APBB1: variants seen among roughly 807,000 people sequenced by gnomAD.
The protein encoded by APBB1 is amyloid beta precursor protein binding family B member 1, also known as adaptor protein FE65a2.
A neutral mutation model predicts 78.4 loss-of-function variants in APBB1; 22 were observed. The ratio of observed to expected loss-of-function variants is 0.28; its 90% CI spans 0.20 to 0.40. The LOEUF (loss-of-function observed/expected upper bound fraction) is 0.40, where lower values mean the gene tolerates loss of function less well. Among genes scored for constraint, APBB1 ranks in the 10% least tolerant of loss-of-function variants. APBB1 has a pLI of 1.00. For missense variants in APBB1, 749 were observed against 932.4 expected (o/e 0.80, Z 2.56); for synonymous variants, 369 against 372.7 (o/e 0.99, Z 0.12).
At chr11:6,404,994 GGGAATCTCCTT>G (rs1205916831) in intron 2 of APBB1, 5 of 1,429,906 alleles carry the variant, frequency 3.5e-6, no homozygotes, top group Non-Finnish European at 4.6e-6. Flanking sequence ...CACCATGCTA[GGGAATCTCCTT>G]GGGGGGTGGG....
chr11:6,413,029 T>C (rs1259975374), intron 1 of APBB1, among the ~76,000 whole-genome samples: 1 of 151,534 alleles, frequency 6.6e-6, no homozygotes, highest in Non-Finnish European at 1.5e-5. Flanking sequence ...CCCCATTCCA[T>C]CCTCCCCACT....
At chr11:6,413,243 C>T (rs145616687) in intron 1 of APBB1, among the ~76,000 whole-genome samples, 1 of 152,212 alleles carries the variant, frequency 6.6e-6, no homozygotes, top group Non-Finnish European at 1.5e-5. Context: ...TCGATGGCCT[C>T]ACTGATTCTC....
At chr11:6,400,651 C>T (rs1371763046) in intron 12 of APBB1, among the ~76,000 whole-genome samples, 1 of 152,020 alleles carries the variant, frequency 6.6e-6, no homozygotes, top group African/African-American at 2.4e-5. Context: ...AACACTAAAC[C>T]CAGCTACAGG....
In APBB1 at chr11:6,403,552, G is replaced by A. The variant is rs1848645022; in HGVS notation, c.898-8C>T. ...AAAACCTGTCCAGGTGAGCTAGGAG[G>A]AGGGATGGGAGTAGTGAGTGAGTGT... On this transcript the variant is annotated splice_region_variant and splice_polypyrimidine_tract_variant and intron_variant, in intron 3 of 14. Coordinates refer to ENST00000609360, the MANE Select transcript of APBB1 (RefSeq NM_001164.5). This position sits in a 1 kb window ranked among gnomAD's most constrained non-coding sequence, Gnocchi z 5.3. The A allele has an allele frequency of 5.6e-6, 9 of 1,614,214 alleles. No homozygotes were observed. Among genetic ancestry groups the A allele is most frequent in the South Asian group, 1.1e-5 (1 of 91,084 alleles).
chr11:6,401,914 GGGGAGCTT>G lies in APBB1; in HGVS notation c.1388+55_1388+62del. On this transcript the variant is annotated intron_variant, in intron 9 of 14. Transcript: ENST00000609360. The surrounding 1 kb of genome is among the most constrained non-coding windows in gnomAD (Gnocchi z 4.5). ...GGGTGGGAAGGGGCAGGGCAGAAGA[GGGGAGCTT>G]GGGTGCTTCCAGGCATCTGGTCCAG... The G allele has an allele frequency of 6.4e-7, 1 of 1,550,582 alleles. No individual in the cohort carries two copies. The highest frequency in any genetic ancestry group is 8.7e-7 in the Non-Finnish European group (1 of 1,150,960).
At chr11:6,419,137 G>A (rs948682419), upstream of APBB1, 2 of 359,054 alleles carry the variant, frequency 5.6e-6, no homozygotes, top group Non-Finnish European at 9.9e-6. Context: ...GCAAGGGGAG[G>A]GGGAGGGGCG....
intron 2 of APBB1, chr11:6,404,738 C>T: frequency 2.0e-6 from 3 of 1,536,364 alleles, no homozygotes; most frequent in Non-Finnish European, 2.6e-6. Flanking sequence ...CTCATGCTGC[C>T]CCTCACCTGC....
chr11:6,402,707 G>C lies in APBB1; in HGVS notation c.1123C>G (p.Leu375Val). The C allele has an allele frequency of 6.2e-7, 1 of 1,614,162 alleles. No individual in the cohort carries two copies. Among genetic ancestry groups the C allele is most frequent in the Non-Finnish European group, 8.5e-7 (1 of 1,180,004 alleles). Residue 375 changes from leucine to valine, a missense_variant, in exon 7 of 15, where the codon CTA (leucine) becomes GTA (valine). By Grantham distance (32) the Leu-to-Val change is conservative (BLOSUM62 1). This residue lies in a region of APBB1 where 635 missense variants were observed against 765.0 expected (regional missense o/e 0.83). Transcript: ENST00000609360. The stretch of plus-strand genomic sequence containing the variant: ...TCCTCGGTCATCTCTACCCAGCCTA[G>C]GGAGCGCACGGCGAAACACTGCCAG... ...PGIKCFAVRS[L>V]GWVEMTEEEL...
chr11:6,416,761 C>G (rs932103955), intron 1 of APBB1, among the ~76,000 whole-genome samples: 2 of 145,674 alleles, frequency 1.4e-5, no homozygotes, highest in African/African-American at 5.1e-5. Flanking sequence ...TTTTTTTTTG[C>G]GATGGAGTCC....
At position 6,410,623 on chromosome 11, in the gene APBB1, G is replaced by T; in HGVS notation, c.721+4C>A. 6.6e-7 allele frequency: 1 copy of T among 1,513,558 alleles called. No homozygotes were observed. Among genetic ancestry groups the T allele is most frequent in the Non-Finnish European group, 8.8e-7 (1 of 1,131,748 alleles). The allele number at this position is 1,513,558 out of a possible 1,614,324, so 93.8% of individuals were successfully genotyped here. ...ACATGCCCATGTCAAGCTCCACAAG[G>T]TACCTGTGTCCTCTGGGGAGCCATA... On this transcript the variant is annotated splice_donor_region_variant and intron_variant, in intron 2 of 14. Transcript: ENST00000609360.
chr11:6,411,366 G>T lies in APBB1; in HGVS notation c.-14-5C>A. ...CAGACATGGCCTTGGCAGCTCCTGT[G>T]GGGTGCGGAGGGGAGATGCTGTTGA... On this transcript the variant is annotated splice_region_variant and splice_polypyrimidine_tract_variant and intron_variant, in intron 1 of 14. Transcript: ENST00000609360. This position sits in a 1 kb window ranked among gnomAD's most constrained non-coding sequence, Gnocchi z 5.2. The T allele has an allele frequency of 1.3e-6, 2 of 1,519,376 alleles. No homozygotes were observed. Among genetic ancestry groups the T allele is most frequent in the South Asian group, 1.3e-5 (1 of 75,570 alleles). 94.1% of individuals were successfully genotyped at this position (1,519,376 alleles called of 1,614,324 possible). A position where few individuals can be genotyped will look rare whatever the true frequency, so the allele number is the denominator to read the frequency against.
chr11:6,401,530 A>G lies in APBB1; in HGVS notation c.1503+44T>C. ...TCAGTGACCCCACCCACACCCTTGT[A>G]GAGCAAAGGTGGCAACTAGTCCAGG... On this transcript the variant is annotated intron_variant, in intron 10 of 14. Transcript: ENST00000609360. This position sits in a 1 kb window ranked among gnomAD's most constrained non-coding sequence, Gnocchi z 4.5. 1 of 1,614,008 alleles carries G rather than the reference A, an allele frequency of 6.2e-7. No homozygotes were observed.
chr11:6,401,488 G>A lies in APBB1; in HGVS notation c.1504-59C>T. On this transcript the variant is annotated intron_variant, in intron 10 of 14. Transcript: ENST00000609360. The surrounding 1 kb of genome is among the most constrained non-coding windows in gnomAD (Gnocchi z 4.5). ...AATCTATTAGAGCCTCATTGCCCTGGGGCCCCCCTACAGCACTCAGTGACC... is the reference window on the plus strand; with the variant it reads ...AATCTATTAGAGCCTCATTGCCCTGAGGCCCCCCTACAGCACTCAGTGACC... 1 of 1,612,358 alleles carries A rather than the reference G, an allele frequency of 6.2e-7. No homozygotes were observed. Among genetic ancestry groups the A allele is most frequent in the Non-Finnish European group, 8.5e-7 (1 of 1,178,702 alleles).
intron 1 of APBB1, among the ~76,000 whole-genome samples, chr11:6,414,966 T>C (rs1197928374): frequency 6.6e-6 from 1 of 152,238 alleles, no homozygotes; most frequent in African/African-American, 2.4e-5. Context: ...AAGAGCCAAG[T>C]TGACCTCAGG....
In APBB1 at chr11:6,401,440, A is replaced by C. The variant is rs536268467; in HGVS notation, c.1504-11T>G. On this transcript the variant is annotated splice_polypyrimidine_tract_variant and intron_variant, in intron 10 of 14. Coordinates refer to ENST00000609360, the MANE Select transcript of APBB1 (RefSeq NM_001164.5). The surrounding 1 kb of genome is among the most constrained non-coding windows in gnomAD (Gnocchi z 4.5). ...CCGTTCGGCCATGATCTGAGGAAGG[A>C]AGGGAGGCGAGGAGCCAGGGAGAAT... 3.5e-5 allele frequency: 56 copies of C among 1,613,266 alleles called. No individual in the cohort carries two copies. In the Admixed American group the frequency reaches 9.2e-4, roughly 26 times the overall value.
At position 6,419,035 on chromosome 11, in the gene APBB1, GGTTCGGGCTCCGC is replaced by G; in HGVS notation, c.-78_-66del. ...ATGACGGAGGTGGCTCAGGCTGCGGGGTTCGGGCTCCGCCGCGGCTTCTCCATCACAACATCCC... is the reference window on the plus strand; with the variant it reads ...ATGACGGAGGTGGCTCAGGCTGCGGGCGCGGCTTCTCCATCACAACATCCC... On this transcript the variant is annotated 5_prime_UTR_variant, in exon 1 of 15. It removes the in-frame stop codon of an upstream open reading frame in the 5' UTR. Transcript: ENST00000609360. 2.5e-6 allele frequency: 1 copy of G among 393,432 alleles called. No individual in the cohort carries two copies. The highest frequency in any genetic ancestry group is 4.5e-6 in the Non-Finnish European group (1 of 222,620). The allele number at this position is 393,432 out of a possible 1,614,324, so 24.4% of individuals were successfully genotyped here.
At chr11:6,408,250 C>G (rs1337653308) in intron 2 of APBB1, among the ~76,000 whole-genome samples, 2 of 152,092 alleles carry the variant, frequency 1.3e-5, no homozygotes, top group African/African-American at 2.4e-5. Context: ...AAATCCAAAC[C>G]ATAGAAAACT....
chr11:6,419,041 G>T lies in APBB1; in HGVS notation c.-71C>A. ...GAGGTGGCTCAGGCTGCGGGGTTCG[G>T]GCTCCGCCGCGGCTTCTCCATCACA... On this transcript the variant is annotated 5_prime_UTR_variant, in exon 1 of 15. Transcript: ENST00000609360. 1 of 392,920 alleles carries T rather than the reference G, an allele frequency of 2.5e-6. No individual in the cohort carries two copies. The allele number at this position is 392,920 out of a possible 1,614,324, so 24.3% of individuals were successfully genotyped here. A position where few individuals can be genotyped will look rare whatever the true frequency, so the allele number is the denominator to read the frequency against.
intron 1 of APBB1, among the ~76,000 whole-genome samples, chr11:6,412,937 C>T (rs563498836): frequency 6.6e-6 from 1 of 152,078 alleles, no homozygotes; most frequent in Non-Finnish European, 1.5e-5. Context: ...TGCCTCCTCA[C>T]AGCCCTTCGT....
Sources: allele counts gnomAD v4.1 joint callset (sites outside exome capture counted in the v4.1 genomes callset), GRCh38; gene constraint gnomAD v4.1.1; regional missense constraint gnomAD v4.1.1; non-coding constraint Gnocchi (gnomAD v3.1); transcripts MANE v1.5; gene names NCBI Gene and HGNC (gene_info 2026-07-23, HGNC 2026-07-21).